Variants in PSTPIP1 observed in about 807,000 individuals in gnomAD.
PSTPIP1 encodes proline-serine-threonine phosphatase-interacting protein 1.
In PSTPIP1, 66 loss-of-function variants were observed where a neutral mutation model predicts 69.6. That is an observed-to-expected ratio of 0.95 (90% CI 0.78 to 1.16). PSTPIP1 has a LOEUF of 1.16. Ranked by LOEUF, PSTPIP1 falls within the 50% of genes most tolerant of loss-of-function variation. The probability of loss-of-function intolerance (pLI) is 0.00; values close to 1 mark genes in which losing one functional copy is unlikely to be tolerated. For missense variants in PSTPIP1, 603 were observed against 557.4 expected (o/e 1.08, Z -0.82); for synonymous variants, 266 against 222.7 (o/e 1.19, Z -1.73).
In PSTPIP1 at chr15:77,032,944, G is replaced by A. The variant is rs1398444230; in HGVS notation, c.921G>A (p.Met307Ile). ...SSPGIQPSCG[M>I]IKRFSGLLHG... ...CTGGCATACAGCCGTCCTGCGGCAT[G>A]ATAAAGAGGTGAGGCCCCGACAGAC... Residue 307 changes from methionine (M) to isoleucine (I), a missense_variant, in exon 12 of 15, where the codon ATG becomes ATA. Met to Ile is a conservative substitution (Grantham distance 10). Transcript: ENST00000558012. 2 of 1,601,460 alleles carry A rather than the reference G, an allele frequency of 1.2e-6. No homozygotes were observed. The highest frequency in any genetic ancestry group is 1.7e-5 in the Admixed American group (1 of 58,756).
chr15:77,028,267 G>T (rs1440010187), intron 6 of PSTPIP1: 7 of 502,096 alleles, frequency 1.4e-5, no homozygotes, highest in Non-Finnish European at 2.1e-5. Flanking sequence ...GTGGCGAGGG[G>T]CGTGGCGAGG....
chr15:77,009,909 G>A (rs2075898547), intron 1 of PSTPIP1, among the ~76,000 whole-genome samples: 1 of 152,204 alleles, frequency 6.6e-6, no homozygotes, highest in Admixed American at 6.5e-5. Flanking sequence ...TGGGGACGGG[G>A]ATGTGCAATG....
At chr15:77,012,953 G>A (rs1217627780) in intron 1 of PSTPIP1, among the ~76,000 whole-genome samples, 9 of 152,222 alleles carry the variant, frequency 5.9e-5, no homozygotes, top group Non-Finnish European at 1.3e-4. Flanking sequence ...GTAGGCACCA[G>A]GTGCCGGGAT....
chr15:77,028,725 T>C, intron 7 of PSTPIP1, 73 bp downstream of exon 7: 1 of 1,255,340 alleles, frequency 8.0e-7, no homozygotes, highest in Non-Finnish European at 1.1e-6. Flanking sequence ...AGGGGTGCCG[T>C]AGACACCCCC....
At position 76,995,452 on chromosome 15, in the gene PSTPIP1, C is replaced by A; in HGVS notation, c.-122C>A. The A allele has an allele frequency of 6.4e-7, 1 of 1,561,308 alleles. No individual in the cohort carries two copies. The highest frequency in any genetic ancestry group is 8.6e-7 in the Non-Finnish European group (1 of 1,156,642). Reference sequence around the variant, plus strand: ...TGCCTTCTGAGTGTTGCAGACGGCGCCGGCCGGGAAGGGGGGCCTGGGCCA... The same window carrying A: ...TGCCTTCTGAGTGTTGCAGACGGCGACGGCCGGGAAGGGGGGCCTGGGCCA... On this transcript the variant is annotated 5_prime_UTR_variant, in exon 1 of 15. Coordinates refer to ENST00000558012, the MANE Select transcript of PSTPIP1 (RefSeq NM_003978.5).
chr15:77,020,880 GT>G (rs59976517), intron 3 of PSTPIP1, among the ~76,000 whole-genome samples: 35,548 of 104,490 alleles, frequency 0.34, 6,148 homozygotes, highest in Middle Eastern at 0.46. Flanking sequence ...GGGGGGGGGG[GT>G]GTGTGTGTTG....
intron 1 of PSTPIP1, among the ~76,000 whole-genome samples, chr15:76,997,588 T>C (rs914006491): frequency 1.1e-4 from 16 of 152,236 alleles, no homozygotes; most frequent in African/African-American, 3.9e-4. Flanking sequence ...TTAAGAGACT[T>C]GCGCAAGGTC....
At chr15:77,015,997 T>G (rs1454000147) in intron 1 of PSTPIP1, 1 of 456,100 alleles carries the variant, frequency 2.2e-6, no homozygotes, top group Non-Finnish European at 4.4e-6. Context: ...ATGGCCAGCG[T>G]AGGTTCGGTT....
Position 77,018,549 on chromosome 15 carries a change from C to A in PSTPIP1, c.212+18C>A. ...GAGATCAAGTAAGATCTCCCGGGCC[C>A]TGGGGCTCACTCCTCTCCTCTGCTG... On this transcript the variant is annotated intron_variant, in intron 3 of 14. Coordinates refer to ENST00000558012, the MANE Select transcript of PSTPIP1 (RefSeq NM_003978.5). The A allele has an allele frequency of 1.3e-6, 2 of 1,543,782 alleles. No individual in the cohort carries two copies. The highest frequency in any genetic ancestry group is 1.7e-6 in the Non-Finnish European group (2 of 1,142,886).
intron 1 of PSTPIP1, among the ~76,000 whole-genome samples, chr15:77,000,476 TACACACACACAC>T (rs893354130): frequency 6.8e-6 from 1 of 146,792 alleles, no homozygotes; most frequent in African/African-American, 2.6e-5. Context: ...TATATATATA[TACACACACACAC>T]ACACACACAC....
At chr15:77,015,915 T>C (rs945422566) in intron 1 of PSTPIP1, 14 of 455,766 alleles carry the variant, frequency 3.1e-5, no homozygotes, top group South Asian at 1.7e-4. Flanking sequence ...TCCTGGAGCC[T>C]GCAGCCTCTG....
chr15:77,013,666 G>A (rs2075990491), intron 1 of PSTPIP1, among the ~76,000 whole-genome samples: 2 of 152,136 alleles, frequency 1.3e-5, no homozygotes, highest in South Asian at 4.1e-4. Flanking sequence ...TCCCTGTCAG[G>A]CTATTCTCAT....
intron 9 of PSTPIP1, 136 bp from the exon 10 acceptor site, chr15:77,031,044 G>T (rs2152687994): frequency 2.5e-6 from 2 of 810,752 alleles, no homozygotes; most frequent in Middle Eastern, 3.7e-4. Flanking sequence ...GGACCCCAGG[G>T]CACTCTCTCC....
intron 6 of PSTPIP1, 92 bp downstream of exon 6, chr15:77,028,006 T>G: frequency 8.3e-7 from 1 of 1,206,866 alleles, no homozygotes; most frequent in African/African-American, 1.5e-5. Flanking sequence ...GGCAGGGCAT[T>G]TGGAACAGGC....
intron 14 of PSTPIP1, among the ~76,000 whole-genome samples, chr15:77,036,486 G>A (rs1568529025): frequency 6.6e-6 from 1 of 152,192 alleles, no homozygotes; most frequent in Non-Finnish European, 1.5e-5. Context: ...CAGCCACAGG[G>A]CAGCTATGAG....
Position 77,025,597 on chromosome 15 carries a change from GGAA to G in PSTPIP1, c.352_354del (p.Lys118del). The G allele has an allele frequency of 1.9e-6, 3 of 1,545,428 alleles. No individual in the cohort carries two copies. Among genetic ancestry groups the G allele is most frequent in the East Asian group, 2.5e-5 (1 of 40,786 alleles). On this transcript the variant is annotated inframe_deletion, in exon 5 of 15. Coordinates refer to ENST00000558012, the MANE Select transcript of PSTPIP1 (RefSeq NM_003978.5). ...TTTCGTGAGAGGCAGAAGGAGCAGA[GGAA>G]GAAGGTGAGGCAGGTGCAGGGGGCG...
chr15:77,035,892 C>T lies in PSTPIP1; in HGVS notation c.1076C>T (p.Ser359Leu). The T allele has an allele frequency of 6.2e-7, 1 of 1,610,208 alleles. No homozygotes were observed. The highest frequency in any genetic ancestry group is 1.1e-5 in the South Asian group (1 of 90,898). Residue 359 changes from serine to leucine, a missense_variant, in exon 14 of 15, where the codon TCA becomes TTA. By Grantham distance (145) the Ser-to-Leu change is moderately radical (BLOSUM62 -2). Coordinates refer to ENST00000558012, the MANE Select transcript of PSTPIP1 (RefSeq NM_003978.5). ...AVQEIQGNPA[S>L]PAQEYRALYD... ...CAGGAGATACAGGGAAACCCGGCCT[C>T]ACCAGCCCAGGAGTACCGGGCGCTC...
At chr15:76,995,032 GGATGGCA>G, upstream of PSTPIP1, 2 of 1,190,960 alleles carry the variant, frequency 1.7e-6, no homozygotes, top group Non-Finnish European at 2.1e-6. Flanking sequence ...GGCAGGAGCA[GGATGGCA>G]GGTGGCAGGC....
intron 12 of PSTPIP1, 66 bp from the exon 13 acceptor site, chr15:77,035,442 C>A (rs1260744764): frequency 2.0e-6 from 3 of 1,496,954 alleles, no homozygotes; most frequent in Non-Finnish European, 2.7e-6. Flanking sequence ...CTGTCTAAAC[C>A]CTCCCTCCTG....
Sources: allele counts gnomAD v4.1 joint callset (sites outside exome capture counted in the v4.1 genomes callset), GRCh38; gene constraint gnomAD v4.1.1; transcripts MANE v1.5; gene names NCBI Gene and HGNC (gene_info 2026-07-23, HGNC 2026-07-21).